The following PCDH9 variants were observed in gnomAD, a reference collection of about 807,000 sequenced individuals.
PCDH9 encodes protocadherin 9.
A neutral mutation model predicts 70.6 loss-of-function variants in PCDH9; 24 were observed. The observed-to-expected ratio is 0.34, with a 90% CI of 0.25 to 0.48. The LOEUF is 0.48. Ranked by LOEUF, PCDH9 falls within the 20% of genes least tolerant of loss-of-function variation. PCDH9 has a pLI of 0.99. For missense variants in PCDH9, 1,281 were observed against 1,503.6 expected (o/e 0.85, Z 2.45); for synonymous variants, 562 against 558.5 (o/e 1.01, Z -0.09).
At chr13:66,777,118 C>T (rs1466922214) in intron 3 of PCDH9, among the ~76,000 whole-genome samples, 1 of 151,182 alleles carries the variant, frequency 6.6e-6, no homozygotes, top group Non-Finnish European at 1.5e-5. Flanking sequence ...ACACCTTATA[C>T]AAAAATTAAT....
intron 4 of PCDH9, among the ~76,000 whole-genome samples, chr13:66,536,112 C>A (rs564445918): frequency 2.0e-5 from 3 of 152,138 alleles, no homozygotes; most frequent in African/African-American, 7.2e-5. Flanking sequence ...GTTTAAAAAG[C>A]AATTTTTCCA....
intron 2 of PCDH9, among the ~76,000 whole-genome samples, chr13:66,997,505 CTGTTTTGTTTTGTTT>C (rs58349093): frequency 2.8e-4 from 40 of 144,406 alleles, no homozygotes; most frequent in Admixed American, 1.7e-3. Context: ...CACTGGAGGT[CTGTTTTGTTTTGTTT>C]TGTTTTGTTT....
In PCDH9 at chr13:67,008,329, T is replaced by C. The variant is rs76664853; in HGVS notation, c.3037-104724A>G. ...AGAACTGTATCACATTTCTTTTCTA[T>C]GTAAACAATTTAGGCAAGGAGAAAT... On this transcript the variant is annotated intron_variant, in intron 2 of 4. Transcript: ENST00000377865. Among the ~76,000 whole-genome samples the C allele has an allele frequency of 3.5e-3, 536 of 152,280 alleles. 1 individual carries two copies. Among genetic ancestry groups the C allele is most frequent in the African/African-American group, 0.012 (490 of 41,556 alleles).
chr13:66,636,020 A>G (rs550833932), intron 3 of PCDH9, among the ~76,000 whole-genome samples: 124 of 152,292 alleles, frequency 8.1e-4, no homozygotes, highest in Non-Finnish European at 1.5e-3. Context: ...CTATTGTTAA[A>G]GTTAAAAATC....
At chr13:66,665,246 C>T (rs1404360404) in intron 3 of PCDH9, among the ~76,000 whole-genome samples, 2 of 151,578 alleles carry the variant, frequency 1.3e-5, no homozygotes, top group South Asian at 2.1e-4. Flanking sequence ...AGCTAGGTGC[C>T]TGCCACCATG....
At chr13:66,585,055 A>G (rs2076944381) in intron 4 of PCDH9, among the ~76,000 whole-genome samples, 1 of 152,090 alleles carries the variant, frequency 6.6e-6, no homozygotes, top group Admixed American at 6.6e-5. Context: ...AGAATTAGAA[A>G]TTTGAGGGAC....
chr13:66,788,648 AT>A (rs58386697), intron 3 of PCDH9, among the ~76,000 whole-genome samples: 6,098 of 81,936 alleles, frequency 0.074, 94 homozygotes, highest in African/African-American at 0.095. Flanking sequence ...CTAAACAGTA[AT>A]TTTTTTTTTT....
chr13:67,034,024 G>A (rs973380216), intron 2 of PCDH9, among the ~76,000 whole-genome samples: 22 of 152,106 alleles, frequency 1.4e-4, no homozygotes, highest in African/African-American at 4.1e-4. Flanking sequence ...TTGCTCTGTC[G>A]CTCAGGCTGG....
intron 3 of PCDH9, among the ~76,000 whole-genome samples, chr13:66,776,257 T>C (rs573395623): frequency 1.3e-5 from 2 of 150,496 alleles, no homozygotes; most frequent in Non-Finnish European, 1.5e-5. Flanking sequence ...CTATTCAACA[T>C]AGTGTTGGAA....
intron 3 of PCDH9, among the ~76,000 whole-genome samples, chr13:66,734,920 C>T (rs1394151068): frequency 1.3e-5 from 2 of 152,180 alleles, no homozygotes; most frequent in Non-Finnish European, 2.9e-5. Flanking sequence ...GCAGTTGGTC[C>T]TTGTTAACAT....
At chr13:66,996,566 T>C (rs2084120442) in intron 2 of PCDH9, among the ~76,000 whole-genome samples, 1 of 152,196 alleles carries the variant, frequency 6.6e-6, no homozygotes, top group East Asian at 1.9e-4. Flanking sequence ...TTAATAAGCA[T>C]TGCTAGTGTG....
At chr13:67,076,216 C>G (rs924477760) in intron 2 of PCDH9, among the ~76,000 whole-genome samples, 1 of 152,036 alleles carries the variant, frequency 6.6e-6, no homozygotes, top group Non-Finnish European at 1.5e-5. Flanking sequence ...AGTTACAGAT[C>G]TCTTAAAGAC....
intron 2 of PCDH9, among the ~76,000 whole-genome samples, chr13:66,929,708 G>A (rs376893213): frequency 6.6e-6 from 1 of 152,240 alleles, no homozygotes; most frequent in Non-Finnish European, 1.5e-5. Flanking sequence ...AAAGGTAGTG[G>A]TGTATTTTTT....
intron 3 of PCDH9, among the ~76,000 whole-genome samples, chr13:66,799,522 T>A (rs529724280): frequency 3.3e-5 from 5 of 152,178 alleles, no homozygotes; most frequent in African/African-American, 7.2e-5. Context: ...CTCTAATAGA[T>A]AGCAATATTC....
At position 66,628,313 on chromosome 13, in the gene PCDH9, G is replaced by A. The variant is rs113370309; in HGVS notation, c.3340+2897C>T. 1.4e-3 allele frequency among the ~76,000 whole-genome samples: 206 copies of A among 152,136 alleles called. 1 individual carries two copies. Among genetic ancestry groups the A allele is most frequent in the African/African-American group, 4.7e-3 (193 of 41,502 alleles). ...TAGGCTCTGATTAAAGTATTCAAAG[G>A]ATCCCTGAATCTCCGGACAAATAAA... On this transcript the variant is annotated intron_variant, in intron 4 of 4. Coordinates refer to ENST00000377865, the MANE Select transcript of PCDH9 (RefSeq NM_203487.3).
rs759738050 is a variant in PCDH9 at position 67,227,411 on chromosome 13, C to A, written c.1030G>T (p.Val344Phe). 7 of 1,613,670 alleles carry A rather than the reference C, an allele frequency of 4.3e-6. No individual in the cohort carries two copies. In the East Asian group the frequency reaches 1.6e-4, roughly 36 times the overall value. The change falls in exon 2 of 5, where the codon GTT (valine) becomes TTT (phenylalanine). Residue 344 changes from valine to phenylalanine, a missense_variant. By Grantham distance (50) the Val-to-Phe change is conservative (BLOSUM62 -1). Transcript: ENST00000377865. The surrounding 1 kb of genome is among the most constrained non-coding windows in gnomAD (Gnocchi z 4.6). ...DGSSTPARAT[V>F]TINVTDVNDN... ...TTTACATCGGTGACATTGATGGTAA[C>A]CGTTGCTCGAGCAGGAGTGGAGCTG...
chr13:66,518,958 A>G (rs975944184), intron 4 of PCDH9, among the ~76,000 whole-genome samples: 4 of 152,208 alleles, frequency 2.6e-5, no homozygotes, highest in Non-Finnish European at 5.9e-5. Flanking sequence ...ACTGTTTTAA[A>G]TAAAGAAAAT....
intron 3 of PCDH9, among the ~76,000 whole-genome samples, chr13:66,857,356 C>A (rs1389758062): frequency 6.6e-6 from 1 of 152,046 alleles, no homozygotes; most frequent in Non-Finnish European, 1.5e-5. Context: ...TTACTGAAAT[C>A]CCTTAGAAAA....
At chr13:66,754,852 C>G (rs866618956) in intron 3 of PCDH9, among the ~76,000 whole-genome samples, 22 of 152,018 alleles carry the variant, frequency 1.4e-4, no homozygotes, top group African/African-American at 4.8e-4. Context: ...TTTATAAATA[C>G]ATGTGTCATA....
Sources: gnomAD v4.1 joint callset for allele counts (sites outside exome capture counted in the v4.1 genomes callset) on GRCh38, gnomAD v4.1.1 for gene constraint, Gnocchi (gnomAD v3.1) non-coding constraint, MANE v1.5 for transcripts, NCBI Gene and HGNC (gene_info 2026-07-23, HGNC 2026-07-21) for gene names.